SLC13A5: variants seen among roughly 807,000 people sequenced by gnomAD.
SLC13A5 encodes solute carrier family 13 member 5, also known as Na(+)/citrate cotransporter.
SLC13A5 carries 25 observed loss-of-function variants against 56.5 expected under a neutral mutation model. The observed-to-expected ratio is 0.44, with a 90% CI of 0.32 to 0.62. SLC13A5 has a LOEUF of 0.62. Ranked by LOEUF, SLC13A5 falls within the 20% of genes least tolerant of loss-of-function variation. The probability of loss-of-function intolerance (pLI) is 0.04; values close to 1 mark genes in which losing one functional copy is unlikely to be tolerated. For synonymous variants in SLC13A5, 307 were observed against 301.5 expected, an observed-to-expected ratio of 1.02 and a Z score of -0.19; for missense variants, 649 against 737.8, an observed-to-expected ratio of 0.88 and a Z score of 1.39.
At position 6,711,052 on chromosome 17, in the gene SLC13A5, C is replaced by T. The variant is rs1974008734; in HGVS notation, c.102+2180G>A. Among the ~76,000 whole-genome samples the T allele has an allele frequency of 6.6e-6, 1 of 151,836 alleles. No homozygotes were observed. The highest frequency in any genetic ancestry group is 1.5e-5 in the Non-Finnish European group (1 of 67,972). ...GGGAATCCAGGTGGAGACAGGAAAACTGGAGACAGTCGGTGAGGAGAGAGG... is the reference window on the plus strand; with the variant it reads ...GGGAATCCAGGTGGAGACAGGAAAATTGGAGACAGTCGGTGAGGAGAGAGG... On this transcript the variant is annotated intron_variant, in intron 1 of 11. Transcript: ENST00000433363. The surrounding 1 kb of genome is among the most constrained non-coding windows in gnomAD (Gnocchi z 4.0).
chr17:6,690,755 C>T, intron 10 of SLC13A5, 24 bp downstream of exon 10: 1 of 1,614,138 alleles, frequency 6.2e-7, no homozygotes, highest in Non-Finnish European at 8.5e-7. Context: ...TGGAAGGGCT[C>T]CTCCCCACTG....
chr17:6,686,083 G>A lies in SLC13A5; in HGVS notation c.*124C>T, dbSNP rs867616415. 7.2e-7 allele frequency: 1 copy of A among 1,398,252 alleles called. No homozygotes were observed. Among genetic ancestry groups the A allele is most frequent in the Non-Finnish European group, 9.8e-7 (1 of 1,020,966 alleles). The allele number at this position is 1,398,252 out of a possible 1,614,324, so 86.6% of individuals were successfully genotyped here. On this transcript the variant is annotated 3_prime_UTR_variant, in exon 12 of 12. Transcript: ENST00000433363. The stretch of plus-strand genomic sequence containing the variant: ...AGAGGTGGCCCATTGGCTGGGTTTT[G>A]GTGGTGTGTGGACATCGTTGGGTCA...
At chr17:6,699,427 T>C (rs190647445) in intron 6 of SLC13A5, among the ~76,000 whole-genome samples, 37 of 152,320 alleles carry the variant, frequency 2.4e-4, no homozygotes, top group Admixed American at 1.3e-3. Context: ...ATTAATATTG[T>C]CATTCTTACT....
chr17:6,708,286 T>C (rs116907443), intron 1 of SLC13A5, among the ~76,000 whole-genome samples: 2 of 152,350 alleles, frequency 1.3e-5, no homozygotes, highest in East Asian at 1.9e-4. Flanking sequence ...CCTTCTTAGA[T>C]GTCTCCCTGC....
At chr17:6,696,031 T>A in intron 6 of SLC13A5, 90 bp from the exon 7 acceptor site, 2 of 1,243,800 alleles carry the variant, frequency 1.6e-6, no homozygotes, top group Admixed American at 2.0e-5. Context: ...CAGCAGAATG[T>A]AGCAAAAAGA....
At position 6,690,696 on chromosome 17, in the gene SLC13A5, A is replaced by T; in HGVS notation, c.1437+83T>A. The stretch of plus-strand genomic sequence containing the variant: ...AGCCTGGTCTGAGTCTGGCCTGGAC[A>T]TTGCTGCCTCGTCAGGGACCCACAA... On this transcript the variant is annotated intron_variant, in intron 10 of 11. Coordinates refer to ENST00000433363, the MANE Select transcript of SLC13A5 (RefSeq NM_177550.5). 2.5e-6 allele frequency: 4 copies of T among 1,587,520 alleles called. No individual in the cohort carries two copies. In the South Asian group the frequency reaches 4.4e-5, roughly 18 times the overall value.
chr17:6,691,087 C>T (rs1047642915), intron 9 of SLC13A5, 147 bp from the exon 10 acceptor site: 10 of 874,624 alleles, frequency 1.1e-5, no homozygotes, highest in Admixed American at 6.0e-5. Context: ...TTTTCATCCC[C>T]GTCCTCACTC....
At position 6,685,969 on chromosome 17, in the gene SLC13A5, TG is replaced by T. The variant is rs1973234157; in HGVS notation, c.*237del. On this transcript the variant is annotated 3_prime_UTR_variant, in exon 12 of 12. Transcript: ENST00000433363. The surrounding 1 kb of genome is among the most constrained non-coding windows in gnomAD (Gnocchi z 4.2). The stretch of plus-strand genomic sequence containing the variant: ...AGATAATGGCAAGGCTTGGGAAAGA[TG>T]GGTCCAGCAGCCCACTGAGGGGTTC... The T allele has an allele frequency of 1.8e-6, 1 of 548,796 alleles. No homozygotes were observed. The highest frequency in any genetic ancestry group is 2.2e-5 in the South Asian group (1 of 46,164). 34.0% of individuals were successfully genotyped at this position (548,796 alleles called of 1,614,324 possible). A position where few individuals can be genotyped will look rare whatever the true frequency, so the allele number is the denominator to read the frequency against.
chr17:6,711,061 G>C lies in SLC13A5; in HGVS notation c.102+2171C>G, dbSNP rs565873393. Among the ~76,000 whole-genome samples the C allele has an allele frequency of 6.6e-6, 1 of 152,218 alleles. No homozygotes were observed. Among genetic ancestry groups the C allele is most frequent in the Non-Finnish European group, 1.5e-5 (1 of 68,004 alleles). Reference sequence around the variant, plus strand: ...GGTGGAGACAGGAAAACTGGAGACAGTCGGTGAGGAGAGAGGCCTGGGTGT... The same window carrying C: ...GGTGGAGACAGGAAAACTGGAGACACTCGGTGAGGAGAGAGGCCTGGGTGT... On this transcript the variant is annotated intron_variant, in intron 1 of 11. Coordinates refer to ENST00000433363, the MANE Select transcript of SLC13A5 (RefSeq NM_177550.5). The surrounding 1 kb of genome is among the most constrained non-coding windows in gnomAD (Gnocchi z 4.0).
At chr17:6,689,683 C>T (rs982123009) in intron 10 of SLC13A5, 5 of 152,170 alleles carry the variant, frequency 3.3e-5, no homozygotes, top group Non-Finnish European at 4.4e-5. Context: ...TGAACACTTT[C>T]ACCTCCTTGC....
chr17:6,695,053 G>A (rs1173473489), intron 7 of SLC13A5, among the ~76,000 whole-genome samples: 3 of 152,196 alleles, frequency 2.0e-5, no homozygotes, highest in African/African-American at 7.2e-5. Flanking sequence ...AGAAAGGGAA[G>A]ATGGCAGAGC....
At chr17:6,703,168 C>T in intron 4 of SLC13A5, 30 bp from the exon 5 acceptor site, 1 of 1,612,458 alleles carries the variant, frequency 6.2e-7, no homozygotes, top group Non-Finnish European at 8.5e-7. Context: ...GTTAGCTGAG[C>T]CAGTCATGGG....
intron 6 of SLC13A5, among the ~76,000 whole-genome samples, chr17:6,697,404 T>C (rs1342585995): frequency 6.6e-6 from 1 of 152,170 alleles, no homozygotes; most frequent in Non-Finnish European, 1.5e-5. Flanking sequence ...CCAATGCCAG[T>C]GCCCCACAGT....
intron 1 of SLC13A5, among the ~76,000 whole-genome samples, chr17:6,708,693 AGGTCAG>A (rs1180399708): frequency 1.3e-5 from 2 of 152,270 alleles, no homozygotes; most frequent in African/African-American, 2.4e-5. Flanking sequence ...CAGTTACAGC[AGGTCAG>A]GGTCTTGGGT....
intron 1 of SLC13A5, among the ~76,000 whole-genome samples, chr17:6,710,537 G>C (rs146842164): frequency 1.1e-3 from 169 of 152,288 alleles, no homozygotes; most frequent in African/African-American, 4.0e-3. Context: ...CACTAGGAAA[G>C]AGGACGAGAC....
intron 6 of SLC13A5, among the ~76,000 whole-genome samples, chr17:6,696,231 C>G (rs1022957051): frequency 6.6e-6 from 1 of 152,180 alleles, no homozygotes; most frequent in African/African-American, 2.4e-5. Flanking sequence ...CCATAAGGAG[C>G]TTCGGAGCCT....
At chr17:6,688,113 C>A in intron 10 of SLC13A5, 1 of 153,506 alleles carries the variant, frequency 6.5e-6, no homozygotes. Context: ...ATTTGGTAGC[C>A]ACCTTTTAAA....
At chr17:6,702,863 G>C (rs1973749614) in intron 5 of SLC13A5, 107 bp downstream of exon 5, 1 of 1,416,008 alleles carries the variant, frequency 7.1e-7, no homozygotes. Flanking sequence ...AGGTCTGGCT[G>C]CCCCGAGGCT....
At chr17:6,691,009 C>G in intron 9 of SLC13A5, 69 bp from the exon 10 acceptor site, 1 of 1,528,988 alleles carries the variant, frequency 6.5e-7, no homozygotes, top group Non-Finnish European at 8.8e-7. Flanking sequence ...CCAGGGCAAG[C>G]TTGGCCCATC....
Sources: gnomAD v4.1 joint callset for allele counts (sites outside exome capture counted in the v4.1 genomes callset) on GRCh38, gnomAD v4.1.1 for gene constraint, Gnocchi (gnomAD v3.1) non-coding constraint, MANE v1.5 for transcripts, NCBI Gene and HGNC (gene_info 2026-07-23, HGNC 2026-07-21) for gene names.